RIPK4: variants seen among roughly 807,000 people sequenced by gnomAD.
The protein encoded by RIPK4 is receptor-interacting serine/threonine-protein kinase 4.
Under a neutral mutation model 42.9 loss-of-function variants are expected in RIPK4, and 17 were observed. The observed-to-expected ratio is 0.40, with a 90% CI of 0.27 to 0.59. The LOEUF is 0.59. Ranked by LOEUF, RIPK4 falls within the 20% of genes least tolerant of loss-of-function variation. The pLI is 0.47. For missense variants in RIPK4, 897 were observed against 1,104.4 expected (o/e 0.81, Z 2.66); for synonymous variants, 498 against 499.1 (o/e 1.00, Z 0.03).
At chr21:41,750,448 G>A (rs982662280) in intron 3 of RIPK4, among the ~76,000 whole-genome samples, 1 of 152,178 alleles carries the variant, frequency 6.6e-6, no homozygotes, top group Non-Finnish European at 1.5e-5. Context: ...AGTGAATTTC[G>A]GAAAGTACAA....
Position 41,744,060 on chromosome 21 carries a change from C to T in RIPK4, c.1017G>A (p.Leu339=). ...DYSLSELLSQ[L]DSGVSQAVEG... ...CGACAGCCTGGGAAACTCCAGAGTC[C>T]AGCTGTGAGAGCAGCTCGGAGAGGC... The change falls in exon 7 of 8, where the codon CTG becomes CTA. Residue 339 remains leucine (L), a synonymous_variant. Transcript: ENST00000332512. 1 of 1,612,862 alleles carries T rather than the reference C, an allele frequency of 6.2e-7. No homozygotes were observed. Among genetic ancestry groups the T allele is most frequent in the Non-Finnish European group, 8.5e-7 (1 of 1,179,804 alleles).
In RIPK4 at chr21:41,742,067, T is replaced by C; in HGVS notation, c.1196-70A>G. Reference sequence around the variant, plus strand: ...CAGGGACGTGGCGTCTCTGGGAGCCTGGCTGTGGCGCTCAGGTGGAGGAGT... The same window carrying C: ...CAGGGACGTGGCGTCTCTGGGAGCCCGGCTGTGGCGCTCAGGTGGAGGAGT... On this transcript the variant is annotated intron_variant, in intron 7 of 7. Transcript: ENST00000332512. The surrounding 1 kb of genome is among the most constrained non-coding windows in gnomAD (Gnocchi z 5.1). The C allele has an allele frequency of 1.4e-6, 2 of 1,390,420 alleles. No individual in the cohort carries two copies. Among genetic ancestry groups the C allele is most frequent in the East Asian group, 2.3e-5 (1 of 43,332 alleles). 86.1% of individuals were successfully genotyped at this position (1,390,420 alleles called of 1,614,324 possible).
intron 3 of RIPK4, among the ~76,000 whole-genome samples, chr21:41,750,839 G>A (rs1276465165): frequency 4.6e-5 from 7 of 152,140 alleles, no homozygotes; most frequent in Non-Finnish European, 7.3e-5. Context: ...CACCAAGCTG[G>A]GCTAATTTTT....
chr21:41,759,562 C>T (rs2061214722), intron 1 of RIPK4, among the ~76,000 whole-genome samples: 1 of 152,216 alleles, frequency 6.6e-6, no homozygotes, highest in African/African-American at 2.4e-5. Context: ...ATCCAGCGTC[C>T]AGCCCAAGTC....
Position 41,742,448 on chromosome 21 carries a change from G to C in RIPK4, c.1196-451C>G, listed in dbSNP as rs1286189970. 6.6e-6 allele frequency among the ~76,000 whole-genome samples: 1 copy of C among 152,192 alleles called. No homozygotes were observed. Among genetic ancestry groups the C allele is most frequent in the Non-Finnish European group, 1.5e-5 (1 of 68,028 alleles). On this transcript the variant is annotated intron_variant, in intron 7 of 7. Coordinates refer to ENST00000332512, the MANE Select transcript of RIPK4 (RefSeq NM_020639.3). The surrounding 1 kb of genome is among the most constrained non-coding windows in gnomAD (Gnocchi z 5.1). ...CAGAGATGGTGACTAGAGCTGGAAG[G>C]GGCTGCTCCAGCTCTTGCCCCACCT...
rs765735493 is a variant in RIPK4 at position 41,741,046 on chromosome 21, G to A, written c.2147C>T (p.Ser716Leu). ...ALHLAAAHGH[S>L]EVVEELVSAD... is the part of the protein sequence containing the mutation. The stretch of plus-strand genomic sequence containing the variant: ...GCTGACCAACTCCTCCACCACCTCC[G>A]AGTGCCCGTGGGCGGCAGCCAGGTG... The change falls in exon 8 of 8, where the codon TCG becomes TTG. Residue 716 changes from serine (S) to leucine (L), a missense_variant. Coordinates refer to ENST00000332512, the MANE Select transcript of RIPK4 (RefSeq NM_020639.3). The A allele has an allele frequency of 1.7e-5, 28 of 1,609,706 alleles. No homozygotes were observed. The East Asian group carries it at 2.5e-4, about 14-fold the overall frequency.
chr21:41,754,608 C>T (rs1010709388), intron 2 of RIPK4, among the ~76,000 whole-genome samples: 2 of 152,200 alleles, frequency 1.3e-5, no homozygotes, highest in East Asian at 3.9e-4. Flanking sequence ...TGCAGGAAGG[C>T]CCAGAGCTCT....
In RIPK4 at chr21:41,743,900, G is replaced by T. The variant is rs141192148; in HGVS notation, c.1177C>A (p.Arg393=). 8 of 1,606,662 alleles carry T rather than the reference G, an allele frequency of 5.0e-6. No individual in the cohort carries two copies. The East Asian group carries it at 8.9e-5, about 18-fold the overall frequency. Residue 393 remains arginine, a synonymous_variant, in exon 7 of 8, where the codon CGG becomes AGG. Transcript: ENST00000332512. ...CACTCACCGCTGGTTGAAGGTTCCC[G>T]CTCAAAGGACAGCGACAGTGATCCT... ...SRGSLSLSFE[R]EPSTSDLGTT...
At position 41,744,769 on chromosome 21, in the gene RIPK4, T is replaced by G. The variant is rs186615141; in HGVS notation, c.937-629A>C. The stretch of plus-strand genomic sequence containing the variant: ...ACTGCGACCTCCCCGCGGAGCCACG[T>G]GGGGCTGGCCTGGGGGCTGTGTGGG... On this transcript the variant is annotated intron_variant, in intron 6 of 7. Transcript: ENST00000332512. Among the ~76,000 whole-genome samples the G allele has an allele frequency of 2.8e-3, 425 of 151,874 alleles. 1 individual carries two copies. The highest frequency in any genetic ancestry group is 9.7e-3 in the African/African-American group (403 of 41,426).
chr21:41,757,865 G>A (rs2061208560), intron 1 of RIPK4, among the ~76,000 whole-genome samples: 1 of 150,840 alleles, frequency 6.6e-6, no homozygotes, highest in Admixed American at 6.6e-5. Context: ...TGGGCGTGGT[G>A]GCGCCTGCCT....
chr21:41,758,232 A>G (rs1366625918), intron 1 of RIPK4, among the ~76,000 whole-genome samples: 1 of 151,892 alleles, frequency 6.6e-6, no homozygotes, highest in East Asian at 1.9e-4. Context: ...TTCTGCACCC[A>G]TTAACCAATA....
chr21:41,746,343 AC>A (rs1412943146), intron 5 of RIPK4, among the ~76,000 whole-genome samples: 16 of 152,332 alleles, frequency 1.1e-4, no homozygotes, highest in Admixed American at 4.6e-4. Flanking sequence ...AGGCTCCCAT[AC>A]AGACTCCTCT....
rs1351000355 is a variant in RIPK4 at position 41,755,884 on chromosome 21, G to A, written c.474+641C>T. 6.6e-6 allele frequency among the ~76,000 whole-genome samples: 1 copy of A among 152,244 alleles called. No homozygotes were observed. Among genetic ancestry groups the A allele is most frequent in the African/African-American group, 2.4e-5 (1 of 41,462 alleles). Reference sequence around the variant, plus strand: ...ATGCTAACACCTGCCAAGGCCCAGAGGCAACACTGGTTTTCAGTTACATTA... The same window carrying A: ...ATGCTAACACCTGCCAAGGCCCAGAAGCAACACTGGTTTTCAGTTACATTA... On this transcript the variant is annotated intron_variant, in intron 2 of 7. Transcript: ENST00000332512. The surrounding 1 kb of genome is among the most constrained non-coding windows in gnomAD (Gnocchi z 4.2).
In RIPK4 at chr21:41,739,558, T is replaced by C. The variant is rs1274058680; in HGVS notation, c.*1280A>G. 5 of 152,212 alleles carry C rather than the reference T, an allele frequency of 3.3e-5. No homozygotes were observed. Among genetic ancestry groups the C allele is most frequent in the Non-Finnish European group, 1.5e-5 (1 of 68,036 alleles). The allele number at this position is 152,212 out of a possible 1,614,324, so 9.4% of individuals were successfully genotyped here. The stretch of plus-strand genomic sequence containing the variant: ...GATTCACATTAACATACATGGTACA[T>C]TAATATCAATCTCTATCATATACCA... On this transcript the variant is annotated 3_prime_UTR_variant, in exon 8 of 8. Transcript: ENST00000332512.
intron 1 of RIPK4, among the ~76,000 whole-genome samples, chr21:41,761,337 C>G (rs1040551195): frequency 2.0e-5 from 3 of 152,264 alleles, no homozygotes; most frequent in African/African-American, 7.2e-5. Flanking sequence ...ACTTCCAACC[C>G]GGCAACTGCC....
chr21:41,765,892 G>A (rs1028512424), intron 1 of RIPK4, among the ~76,000 whole-genome samples: 2 of 152,200 alleles, frequency 1.3e-5, no homozygotes, highest in African/African-American at 4.8e-5. Context: ...CAACAAAGAG[G>A]TACTGTTCAA....
At chr21:41,756,475 G>A (rs777278423) in intron 2 of RIPK4, 50 bp downstream of exon 2, 3 of 1,579,932 alleles carry the variant, frequency 1.9e-6, no homozygotes, top group Middle Eastern at 2.1e-4. Context: ...TGCTCCCCAA[G>A]ACACAGGCCC....
intron 4 of RIPK4, among the ~76,000 whole-genome samples, chr21:41,747,046 A>G (rs747596967): frequency 1.1e-4 from 17 of 152,224 alleles, no homozygotes; most frequent in Admixed American, 2.0e-4. Flanking sequence ...CACAGAGCAG[A>G]TCTTTCTAGG....
At position 41,756,405 on chromosome 21, in the gene RIPK4, A is replaced by G. The variant is rs112984266; in HGVS notation, c.474+120T>C. The G allele has an allele frequency of 1.5e-5, 19 of 1,285,686 alleles. No individual in the cohort carries two copies. The African/African-American group carries it at 1.6e-4, about 11-fold the overall frequency. 79.6% of individuals were successfully genotyped at this position (1,285,686 alleles called of 1,614,324 possible). The stretch of plus-strand genomic sequence containing the variant: ...CCTCGGTTTCAAGCTCTTTCCTCCA[A>G]GAAGAACCACCTCCTCTTCTGCCCT... On this transcript the variant is annotated intron_variant, in intron 2 of 7. Coordinates refer to ENST00000332512, the MANE Select transcript of RIPK4 (RefSeq NM_020639.3).
Sources: gnomAD v4.1 joint callset for allele counts (sites outside exome capture counted in the v4.1 genomes callset) on GRCh38, gnomAD v4.1.1 for gene constraint, Gnocchi (gnomAD v3.1) non-coding constraint, MANE v1.5 for transcripts, NCBI Gene and HGNC (gene_info 2026-07-23, HGNC 2026-07-21) for gene names.